Variants in GNG2 observed in about 807,000 individuals in gnomAD.
The protein encoded by GNG2 is G protein subunit gamma 2, also known as guanine nucleotide-binding protein G(I)/G(S)/G(O) subunit gamma-2.
In GNG2, 5 loss-of-function variants were observed where a neutral mutation model predicts 5.5. That is an observed-to-expected ratio of 0.91 (90% confidence interval 0.48 to 1.92). GNG2 has a LOEUF of 1.92. Among genes scored for constraint, GNG2 ranks in the 30% most tolerant of loss-of-function variants. The pLI is 0.01. For missense variants in GNG2, 55 were observed against 88.4 expected, an observed-to-expected ratio of 0.62 and a Z score of 1.52; for synonymous variants, 28 against 32.0, an observed-to-expected ratio of 0.88 and a Z score of 0.42.
Position 51,877,610 on chromosome 14 carries a change from T to C in GNG2, c.-70-7T>C. ...AAAATTCGTTTTTCTCTCTGCTTTC[T>C]CAACAGCCAGATCTGCCAGTGAGCC... On this transcript the variant is annotated splice_region_variant and splice_polypyrimidine_tract_variant and intron_variant, in intron 1 of 3. Coordinates refer to ENST00000556766, the MANE Select transcript of GNG2 (RefSeq NM_053064.5). The C allele has an allele frequency of 2.2e-6, 1 of 456,092 alleles. No individual in the cohort carries two copies. The highest frequency in any genetic ancestry group is 1.6e-5 in the South Asian group (1 of 64,448). 28.3% of individuals were successfully genotyped at this position (456,092 alleles called of 1,614,324 possible).
At chr14:51,843,610 G>A (rs1038849900) in intron 2 of GNG2, among the ~76,000 whole-genome samples, 2 of 151,740 alleles carry the variant, frequency 1.3e-5, no homozygotes, top group Non-Finnish European at 2.9e-5. Flanking sequence ...TTTTGAGTGT[G>A]TCCACTCTGC....
chr14:51,941,466 T>C (rs1279743274), intron 2 of GNG2, among the ~76,000 whole-genome samples: 1 of 152,160 alleles, frequency 6.6e-6, no homozygotes, highest in Non-Finnish European at 1.5e-5. Context: ...CAAAACAAAA[T>C]CTCTCAGCAC....
chr14:51,895,039 A>G (rs1885097993), intron 2 of GNG2, among the ~76,000 whole-genome samples: 1 of 84,206 alleles, frequency 1.2e-5, no homozygotes, highest in Admixed American at 1.0e-4. Context: ...ACTATAAAAG[A>G]ATAGGAAAAA....
rs34653524 is a variant in GNG2 at position 51,966,209 on chromosome 14, C to CAAAAAAAAAAAAAAAAA, written c.88-338_88-322dup. Among the ~76,000 whole-genome samples the CAAAAAAAAAAAAAAAAA allele has an allele frequency of 2.1e-4, 6 of 28,138 alleles. 1 individual carries two copies. Among genetic ancestry groups the CAAAAAAAAAAAAAAAAA allele is most frequent in the Admixed American group, 7.0e-4 (1 of 1,430 alleles). The allele number at this position is 28,138 out of a possible 152,430, so 18.5% of individuals were successfully genotyped here. ...TGGGCAACAGAGCGAGACTGCATCT[C>CAAAAAAAAAAAAAAAAA]AAAAAAAAAAAAAAAAAAAAAAAAA... On this transcript the variant is annotated intron_variant, in intron 3 of 3. Coordinates refer to ENST00000556766, the MANE Select transcript of GNG2 (RefSeq NM_053064.5).
At chr14:51,949,619 C>G (rs17252733) in intron 2 of GNG2, among the ~76,000 whole-genome samples, 47,837 of 151,946 alleles carry the variant, frequency 0.31, 8,456 homozygotes, top group Non-Finnish European at 0.39. Flanking sequence ...GTCATGCACT[C>G]TAGTCAAATC....
chr14:51,831,865 A>G (rs1450218281), intron 2 of GNG2, among the ~76,000 whole-genome samples: 2 of 152,234 alleles, frequency 1.3e-5, no homozygotes, highest in Non-Finnish European at 2.9e-5. Flanking sequence ...ATTATAAAAT[A>G]TGCAGCATAA....
intron 2 of GNG2, among the ~76,000 whole-genome samples, chr14:51,855,309 G>A (rs1008129518): frequency 6.6e-6 from 1 of 152,102 alleles, no homozygotes; most frequent in Non-Finnish European, 1.5e-5. Flanking sequence ...ACAGAGACTG[G>A]CATTTTTCAT....
At chr14:51,865,406 A>G (rs8019617) in intron 1 of GNG2, among the ~76,000 whole-genome samples, 1 of 152,004 alleles carries the variant, frequency 6.6e-6, no homozygotes, top group Non-Finnish European at 1.5e-5. Context: ...TCAAAACATC[A>G]CATTGTACCC....
chr14:51,857,043 C>T (rs533866046), upstream of GNG2, among the ~76,000 whole-genome samples: 1 of 152,318 alleles, frequency 6.6e-6, no homozygotes, highest in African/African-American at 2.4e-5. Context: ...TCTGTTGACT[C>T]TGCTGTGTGA....
chr14:51,923,567 T>TACACAC lies in GNG2; in HGVS notation c.-29-27069_-29-27064dup, dbSNP rs142081387. On this transcript the variant is annotated intron_variant, in intron 2 of 3. Coordinates refer to ENST00000556766, the MANE Select transcript of GNG2 (RefSeq NM_053064.5). ...TACACATATATATACAAACACACAA[T>TACACAC]ACACACACACACACACACAGACATA... 2.5e-3 allele frequency among the ~76,000 whole-genome samples: 373 copies of TACACAC among 150,112 alleles called. 4 individuals carry two copies. The highest frequency in any genetic ancestry group is 8.5e-3 in the African/African-American group (346 of 40,816).
rs559528577 is a variant in GNG2, at chr14:51,879,823, C to T, written c.-30+2166C>T. Among the ~76,000 whole-genome samples the T allele has an allele frequency of 3.3e-5, 5 of 152,300 alleles. No individual in the cohort carries two copies. The South Asian group carries it at 1.0e-3, about 32-fold the overall frequency. ...CTCATCACCAGGGCCTCCATTTAATCACATCTTTGAAGTCTCTTTATCTGT... is the reference window on the plus strand; with the variant it reads ...CTCATCACCAGGGCCTCCATTTAATTACATCTTTGAAGTCTCTTTATCTGT... On this transcript the variant is annotated intron_variant, in intron 2 of 3. Coordinates refer to ENST00000556766, the MANE Select transcript of GNG2 (RefSeq NM_053064.5).
At chr14:51,933,160 T>A (rs558385808) in intron 2 of GNG2, among the ~76,000 whole-genome samples, 1 of 152,338 alleles carries the variant, frequency 6.6e-6, no homozygotes, top group Non-Finnish European at 1.5e-5. Context: ...CTTCTAGAAC[T>A]GTTATAGAAT....
At chr14:51,935,932 G>C (rs926186323) in intron 2 of GNG2, among the ~76,000 whole-genome samples, 1 of 152,156 alleles carries the variant, frequency 6.6e-6, no homozygotes, top group African/African-American at 2.4e-5. Flanking sequence ...TCATGGTTCA[G>C]TGGGTTTTTA....
chr14:51,905,252 T>C (rs1292370985), intron 2 of GNG2, among the ~76,000 whole-genome samples: 1 of 152,200 alleles, frequency 6.6e-6, no homozygotes, highest in Non-Finnish European at 1.5e-5. Flanking sequence ...CCTAGACACT[T>C]AAGATTCAAT....
upstream of GNG2, among the ~76,000 whole-genome samples, chr14:51,855,949 G>T (rs759680411): frequency 3.3e-5 from 5 of 152,144 alleles, no homozygotes; most frequent in Non-Finnish European, 5.9e-5. Flanking sequence ...GAGGCAGGTG[G>T]ATCACCTGAG....
intron 2 of GNG2, among the ~76,000 whole-genome samples, chr14:51,880,144 C>T (rs1883945048): frequency 6.6e-6 from 1 of 152,160 alleles, no homozygotes; most frequent in Non-Finnish European, 1.5e-5. Flanking sequence ...CCAATGGCTC[C>T]TTTCTTGCCC....
At chr14:51,932,512 C>G (rs1594932144) in intron 2 of GNG2, among the ~76,000 whole-genome samples, 1 of 151,948 alleles carries the variant, frequency 6.6e-6, no homozygotes, top group East Asian at 1.9e-4. Flanking sequence ...CACCTGTGGT[C>G]CCCGCTACTT....
Position 51,922,028 on chromosome 14 carries a change from GTTATA to G in GNG2, c.-29-28616_-29-28612del, listed in dbSNP as rs537921262. Among the ~76,000 whole-genome samples the G allele has an allele frequency of 1.7e-3, 263 of 152,236 alleles. 2 individuals carry two copies. The highest frequency in any genetic ancestry group is 5.2e-3 in the African/African-American group (216 of 41,544). On this transcript the variant is annotated intron_variant, in intron 2 of 3. Coordinates refer to ENST00000556766, the MANE Select transcript of GNG2 (RefSeq NM_053064.5). ...TCATAAATGATACCACCTGGACTCT[GTTATA>G]TTATAAGTGGTTATTAAATGTTTAA...
rs952609785 is a variant in GNG2 at position 51,968,798 on chromosome 14, T to G, written c.*2111T>G. ...CACGGATGAATGAATAAAACACTCT[T>G]TGGTGGTGACTGAGGCATCATTAGA... On this transcript the variant is annotated 3_prime_UTR_variant, in exon 4 of 4. Transcript: ENST00000556766. The G allele has an allele frequency of 2.0e-5, 3 of 152,204 alleles. No homozygotes were observed. The highest frequency in any genetic ancestry group is 7.2e-5 in the African/African-American group (3 of 41,458). 9.4% of individuals were successfully genotyped at this position (152,204 alleles called of 1,614,324 possible). A position where few individuals can be genotyped will look rare whatever the true frequency, so the allele number is the denominator to read the frequency against.
Sources: allele counts gnomAD v4.1 joint callset (sites outside exome capture counted in the v4.1 genomes callset), GRCh38; gene constraint gnomAD v4.1.1; transcripts MANE v1.5; gene names NCBI Gene and HGNC (gene_info 2026-07-23, HGNC 2026-07-21).